Variants in FNDC3B observed in about 807,000 individuals in gnomAD.
The protein encoded by FNDC3B is fibronectin type III domain-containing protein 3B.
FNDC3B carries 12 observed loss-of-function variants against 151.5 expected under a neutral mutation model. The ratio of observed to expected loss-of-function variants is 0.08; its 90% CI spans 0.05 to 0.13. The LOEUF (loss-of-function observed/expected upper bound fraction) is 0.13, where lower values mean the gene tolerates loss of function less well. FNDC3B is among the 10% of genes least tolerant of loss of function. FNDC3B has a pLI of 1.00. For missense variants in FNDC3B, 1,214 were observed against 1,505.3 expected (o/e 0.81, Z 3.20); for synonymous variants, 528 against 549.0 (o/e 0.96, Z 0.54).
chr3:172,179,561 C>T (rs926032730), intron 3 of FNDC3B, among the ~76,000 whole-genome samples: 2 of 151,804 alleles, frequency 1.3e-5, no homozygotes, highest in African/African-American at 4.8e-5. Context: ...TATCCCCTCC[C>T]CCACCACCTC....
At chr3:172,156,122 C>G (rs982727177) in intron 3 of FNDC3B, among the ~76,000 whole-genome samples, 20 of 152,134 alleles carry the variant, frequency 1.3e-4, no homozygotes, top group Admixed American at 4.6e-4. Flanking sequence ...ATAATTTCTG[C>G]ATTACAGATT....
At chr3:172,142,378 C>T (rs138190911) in intron 3 of FNDC3B, among the ~76,000 whole-genome samples, 10 of 152,364 alleles carry the variant, frequency 6.6e-5, no homozygotes, top group African/African-American at 2.4e-4. Context: ...CTCAACCCTT[C>T]TGCCCTTTAG....
intron 3 of FNDC3B, among the ~76,000 whole-genome samples, chr3:172,149,972 C>G (rs992837710): frequency 2.6e-5 from 4 of 151,828 alleles, no homozygotes; most frequent in African/African-American, 9.7e-5. Context: ...GTGCCCGTCA[C>G]CGTGCCCAGC....
intron 4 of FNDC3B, among the ~76,000 whole-genome samples, chr3:172,242,495 C>T (rs115770113): frequency 0.021 from 3,148 of 152,316 alleles, 47 homozygotes; most frequent in Middle Eastern, 0.058. Flanking sequence ...TCTGTGCACC[C>T]GCAGGCTCAA....
chr3:172,178,042 T>A (rs1723699327), intron 3 of FNDC3B, among the ~76,000 whole-genome samples: 1 of 152,162 alleles, frequency 6.6e-6, no homozygotes, highest in Non-Finnish European at 1.5e-5. Flanking sequence ...TTTCTTTTTG[T>A]GGCTGCATAG....
At chr3:172,209,178 A>G (rs1368285028) in intron 3 of FNDC3B, among the ~76,000 whole-genome samples, 2 of 152,022 alleles carry the variant, frequency 1.3e-5, no homozygotes, top group East Asian at 1.9e-4. Context: ...TCTTTCAGTC[A>G]TGCTTGCCTC....
At chr3:172,341,363 T>A in intron 17 of FNDC3B, 132 bp downstream of exon 17, 4 of 727,962 alleles carry the variant, frequency 5.5e-6, no homozygotes, top group Admixed American at 3.9e-5. Context: ...TGTCAGGAAA[T>A]GAAAAATAGA....
intron 6 of FNDC3B, among the ~76,000 whole-genome samples, chr3:172,254,874 C>T (rs982309992): frequency 4.3e-4 from 65 of 152,276 alleles, no homozygotes; most frequent in African/African-American, 1.4e-3. Flanking sequence ...TTGTTACTTA[C>T]TATTTCCTTT....
intron 1 of FNDC3B, among the ~76,000 whole-genome samples, chr3:172,047,269 T>G (rs947545865): frequency 5.9e-5 from 9 of 152,204 alleles, no homozygotes; most frequent in Non-Finnish European, 1.2e-4. Context: ...TATAATGGTT[T>G]AATTTATTTT....
chr3:172,393,580 T>A (rs1736128004), intron 25 of FNDC3B, among the ~76,000 whole-genome samples: 1 of 152,136 alleles, frequency 6.6e-6, no homozygotes, highest in South Asian at 2.1e-4. Context: ...CCAGGATAGA[T>A]CAAATGTTAA....
intron 25 of FNDC3B, among the ~76,000 whole-genome samples, chr3:172,392,385 T>A (rs1260562771): frequency 6.6e-6 from 1 of 152,240 alleles, no homozygotes; most frequent in East Asian, 1.9e-4. Flanking sequence ...ACAGAATTGG[T>A]TGTCTGGAGT....
intron 1 of FNDC3B, among the ~76,000 whole-genome samples, chr3:172,075,532 G>A (rs185774434): frequency 6.6e-6 from 1 of 152,062 alleles, no homozygotes; most frequent in Non-Finnish European, 1.5e-5. Flanking sequence ...AAAGCTGAAG[G>A]CTCCTTGGCA....
chr3:172,337,721 G>C, intron 16 of FNDC3B: 4 of 299,262 alleles, frequency 1.3e-5, no homozygotes, highest in South Asian at 3.1e-5. Context: ...TACGATCTCT[G>C]TCACACAGGC....
At chr3:172,189,432 G>A (rs1219818026) in intron 3 of FNDC3B, among the ~76,000 whole-genome samples, 5 of 152,158 alleles carry the variant, frequency 3.3e-5, no homozygotes, top group African/African-American at 1.2e-4. Context: ...TGATCACCAT[G>A]GCAACGAGGT....
chr3:172,292,366 G>A (rs1160325757), intron 7 of FNDC3B, among the ~76,000 whole-genome samples: 1 of 152,206 alleles, frequency 6.6e-6, no homozygotes, highest in African/African-American at 2.4e-5. Context: ...TGATGACAGT[G>A]TACATCCTGA....
intron 14 of FNDC3B, among the ~76,000 whole-genome samples, chr3:172,333,875 TTC>T (rs1732815736): frequency 6.6e-6 from 1 of 152,182 alleles, no homozygotes; most frequent in Non-Finnish European, 1.5e-5. Flanking sequence ...GCTTGTAATT[TTC>T]TCTTCCATGA....
At chr3:172,084,891 C>T (rs1718472424) in intron 1 of FNDC3B, among the ~76,000 whole-genome samples, 1 of 152,124 alleles carries the variant, frequency 6.6e-6, no homozygotes, top group African/African-American at 2.4e-5. Flanking sequence ...TTGTTTCTTT[C>T]CCCTTACGAG....
intron 3 of FNDC3B, among the ~76,000 whole-genome samples, chr3:172,177,850 C>T (rs1275109385): frequency 6.6e-6 from 1 of 151,916 alleles, no homozygotes; most frequent in East Asian, 1.9e-4. Context: ...TCTCCCTCCC[C>T]TCACCCCTGT....
chr3:172,246,712 G>A lies in FNDC3B; in HGVS notation c.265-821G>A, dbSNP rs755125980. ...TGTAGTGTATGATGATCACACCTGC[G>A]TGTAGCCACTGCACTTCAGCCTGGG... On this transcript the variant is annotated intron_variant, in intron 4 of 25. Coordinates refer to ENST00000415807, the MANE Select transcript of FNDC3B (RefSeq NM_022763.4). Among the ~76,000 whole-genome samples, 76 of 152,306 alleles carry A rather than the reference G, an allele frequency of 5.0e-4. 1 individual carries two copies. Among genetic ancestry groups the A allele is most frequent in the South Asian group, 8.3e-4 (4 of 4,824 alleles).
Sources: gnomAD v4.1 joint callset for allele counts (sites outside exome capture counted in the v4.1 genomes callset) on GRCh38, gnomAD v4.1.1 for gene constraint, MANE v1.5 for transcripts, NCBI Gene and HGNC (gene_info 2026-07-23, HGNC 2026-07-21) for gene names.